MYO9B: variants seen among roughly 807,000 people sequenced by gnomAD.
The protein encoded by MYO9B is myosin IXB.
In MYO9B, 71 loss-of-function variants were observed where a neutral mutation model predicts 229.5. The observed-to-expected ratio is 0.31, with a 90% CI of 0.26 to 0.38. The LOEUF (loss-of-function observed/expected upper bound fraction) is 0.38, where lower values mean the gene tolerates loss of function less well. Ranked by LOEUF, MYO9B falls within the 10% of genes least tolerant of loss-of-function variation. The probability of loss-of-function intolerance (pLI) is 1.00; values close to 1 mark genes in which losing one functional copy is unlikely to be tolerated. For synonymous variants in MYO9B, 1,185 were observed against 1,235.8 expected (o/e 0.96, Z 0.86); for missense variants, 2,255 against 2,920.5 (o/e 0.77, Z 5.25).
chr19:17,153,427 C>G (rs1013719436), intron 4 of MYO9B, among the ~76,000 whole-genome samples: 9 of 151,106 alleles, frequency 6.0e-5, no homozygotes, highest in African/African-American at 2.2e-4. Context: ...TGGCTCACAC[C>G]TGTAATCCCA....
chr19:17,105,403 G>A (rs985747488), intron 2 of MYO9B, among the ~76,000 whole-genome samples: 1 of 151,946 alleles, frequency 6.6e-6, no homozygotes, highest in Non-Finnish European at 1.5e-5. Context: ...TCTGAGGCAG[G>A]AGAATCGCTT....
chr19:17,102,397 T>G lies in MYO9B; in HGVS notation c.680T>G (p.Leu227Arg), dbSNP rs781036817. The G allele has an allele frequency of 4.9e-5, 79 of 1,613,736 alleles. No homozygotes were observed. Among genetic ancestry groups the G allele is most frequent in the Non-Finnish European group, 6.5e-5 (77 of 1,179,888 alleles). ...ALADVAYYTM[L>R]RKRVNQCIVI... ...GCCGACGTGGCCTACTACACCATGCTCAGGAAGCGCGTGAACCAGTGCATC... is the reference window on the plus strand; with the variant it reads ...GCCGACGTGGCCTACTACACCATGCGCAGGAAGCGCGTGAACCAGTGCATC... Residue 227 changes from leucine (L) to arginine (R), a missense_variant, in exon 2 of 40, where the codon CTC becomes CGC. This residue lies in a region of MYO9B where 386 missense variants were observed against 515.2 expected (regional missense o/e 0.75). Coordinates refer to ENST00000682292, the MANE Select transcript of MYO9B (RefSeq NM_004145.4).
intron 2 of MYO9B, among the ~76,000 whole-genome samples, chr19:17,139,840 G>A (rs944743262): frequency 2.6e-5 from 4 of 152,110 alleles, no homozygotes; most frequent in Non-Finnish European, 2.9e-5. Context: ...TTGGGAGTTC[G>A]AGACCAGCCT....
At chr19:17,095,375 A>C (rs1012582943) in intron 1 of MYO9B, 10 of 152,380 alleles carry the variant, frequency 6.6e-5, no homozygotes, top group African/African-American at 2.2e-4. Flanking sequence ...CCCCTCCCGG[A>C]GTCCCTGGCA....
intron 2 of MYO9B, among the ~76,000 whole-genome samples, chr19:17,140,817 C>T (rs112613803): frequency 0.083 from 12,114 of 146,038 alleles, 718 homozygotes; most frequent in South Asian, 0.13. Flanking sequence ...TAAAGTTTGT[C>T]GGGGGCCAGG....
chr19:17,173,476 G>A (rs944545572), intron 13 of MYO9B, among the ~76,000 whole-genome samples: 1 of 151,758 alleles, frequency 6.6e-6, no homozygotes, highest in Non-Finnish European at 1.5e-5. Flanking sequence ...GCTAATTTTT[G>A]TATTTTTAGT....
chr19:17,152,687 T>TC lies in MYO9B; in HGVS notation c.980dup (p.Gln328SerfsTer5). On this transcript the variant is annotated frameshift_variant, in exon 4 of 40. Coordinates refer to ENST00000682292, the MANE Select transcript of MYO9B (RefSeq NM_004145.4). LOFTEE classifies it high-confidence loss of function. Reference sequence around the variant, plus strand: ...TCTGCTTGAAAAGTCTCGCCTGGTGTCTCAGGAGAAGGATGAGAGGTAGGA... The same window carrying TC: ...TCTGCTTGAAAAGTCTCGCCTGGTGTCCTCAGGAGAAGGATGAGAGGTAGGA... 1 of 1,613,330 alleles carries TC rather than the reference T, an allele frequency of 6.2e-7. No individual in the cohort carries two copies. The highest frequency in any genetic ancestry group is 8.5e-7 in the Non-Finnish European group (1 of 1,179,556).
intron 2 of MYO9B, among the ~76,000 whole-genome samples, chr19:17,125,732 C>G (rs1242678476): frequency 6.6e-6 from 1 of 152,158 alleles, no homozygotes; most frequent in East Asian, 1.9e-4. Flanking sequence ...GCTCTCTGTA[C>G]ATCCCTGCCG....
At chr19:17,189,494 G>A (rs1434240945) in intron 19 of MYO9B, among the ~76,000 whole-genome samples, 5 of 151,596 alleles carry the variant, frequency 3.3e-5, no homozygotes, top group South Asian at 2.1e-4. Flanking sequence ...AAAGCCAGGC[G>A]TGCTGGCATG....
chr19:17,105,508 A>G (rs2057784761), intron 2 of MYO9B, among the ~76,000 whole-genome samples: 1 of 151,996 alleles, frequency 6.6e-6, no homozygotes. Context: ...AAAAAAGGGG[A>G]GAGGAGATTC....
At chr19:17,179,960 C>A (rs551251051) in intron 14 of MYO9B, among the ~76,000 whole-genome samples, 1 of 151,468 alleles carries the variant, frequency 6.6e-6, no homozygotes, top group East Asian at 2.0e-4. Flanking sequence ...CCCAGCCAGG[C>A]GCGGTGGCTC....
chr19:17,188,034 T>A lies in MYO9B; in HGVS notation c.2677T>A (p.Tyr893Asn), dbSNP rs1237429868. 4 of 1,594,088 alleles carry A rather than the reference T, an allele frequency of 2.5e-6. No individual in the cohort carries two copies. The highest frequency in any genetic ancestry group is 2.7e-5 in the African/African-American group (2 of 74,622). Residue 893 changes from tyrosine to asparagine, a missense_variant, in exon 19 of 40, where the codon TAC (tyrosine) becomes AAC (asparagine). Tyr to Asn is a moderately radical substitution (Grantham distance 143). Around this residue, in one of 7 missense-constraint regions of MYO9B, gnomAD observed 68 missense variants for 133.5 expected, o/e 0.51. Transcript: ENST00000682292. ...CCGGAGGTCAGGGTACAGCGCCAAGTACACGTTCCAGGTAGGCCACAAGCA... is the reference window on the plus strand; with the variant it reads ...CCGGAGGTCAGGGTACAGCGCCAAGAACACGTTCCAGGTAGGCCACAAGCA... ...RIRRSGYSAK[Y>N]TFQDFTEQFQ...
rs1363736304 is a variant in MYO9B at position 17,193,884 on chromosome 19, CAAAA to C, written c.3129-671_3129-668del. Among the ~76,000 whole-genome samples the C allele has an allele frequency of 8.7e-4, 132 of 152,148 alleles. 1 individual carries two copies. Among genetic ancestry groups the C allele is most frequent in the African/African-American group, 3.2e-3 (131 of 41,522 alleles). On this transcript the variant is annotated intron_variant, in intron 21 of 39. Coordinates refer to ENST00000682292, the MANE Select transcript of MYO9B (RefSeq NM_004145.4). The surrounding 1 kb of genome is among the most constrained non-coding windows in gnomAD (Gnocchi z 4.3). ...CAGAGCCAGACACTGTCTCTAAAAG[CAAAA>C]CAGGCTGGGCATAGTGGCTCACACC... is the stretch of plus-strand genomic sequence containing the variant.
Position 17,154,342 on chromosome 19 carries a change from G to A in MYO9B, c.1126G>A (p.Asp376Asn). ...TAACTTGAAGATTGAAGATGGGGAG[G>A]ACCTGAAGCATGACTTTGAGAGGCT... ...QHNLKIEDGE[D>N]LKHDFERLKQ... Residue 376 changes from aspartate (D) to asparagine (N), a missense_variant, in exon 6 of 40, where the codon GAC becomes AAC. This residue lies in a region of MYO9B where 386 missense variants were observed against 515.2 expected (regional missense o/e 0.75). Transcript: ENST00000682292. The A allele has an allele frequency of 3.7e-6, 6 of 1,613,076 alleles. 1 individual carries two copies. The highest frequency in any genetic ancestry group is 5.1e-6 in the Non-Finnish European group (6 of 1,179,224).
At position 17,115,532 on chromosome 19, in the gene MYO9B, G is replaced by A. The variant is rs573516593; in HGVS notation, c.840+12975G>A. On this transcript the variant is annotated intron_variant, in intron 2 of 39. Coordinates refer to ENST00000682292, the MANE Select transcript of MYO9B (RefSeq NM_004145.4). ...CGCCCAGGCTGGAGTTCAGTGGTGC[G>A]ATCTCAGTTCACTGCAACCTCCGCC... is the stretch of plus-strand genomic sequence containing the variant. Among the ~76,000 whole-genome samples, 5 of 148,388 alleles carry A rather than the reference G, an allele frequency of 3.4e-5. No homozygotes were observed. The East Asian group carries it at 5.9e-4, about 18-fold the overall frequency.
intron 2 of MYO9B, among the ~76,000 whole-genome samples, chr19:17,126,786 C>T (rs183763633): frequency 1.3e-5 from 2 of 151,270 alleles, no homozygotes; most frequent in Non-Finnish European, 2.9e-5. Context: ...GCCTCAGCCT[C>T]CCAAGTAGCT....
rs1371710756 is a variant in MYO9B at position 17,119,817 on chromosome 19, A to AT, written c.840+17266dup. Among the ~76,000 whole-genome samples the AT allele has an allele frequency of 9.2e-5, 14 of 152,096 alleles. No individual in the cohort carries two copies. The East Asian group carries it at 2.5e-3, about 27-fold the overall frequency. ...CAGGCACCACCACCATGGCCGGCTA[A>AT]TTTTTTAATTTTAGTAGAGATGGGG... is the stretch of plus-strand genomic sequence containing the variant. On this transcript the variant is annotated intron_variant, in intron 2 of 39. Transcript: ENST00000682292.
chr19:17,211,087 G>A (rs1028601855), intron 38 of MYO9B, among the ~76,000 whole-genome samples: 8 of 147,758 alleles, frequency 5.4e-5, no homozygotes, highest in African/African-American at 1.8e-4. Context: ...GGGTTCAAGC[G>A]ATTCTCTGCC....
At chr19:17,197,753 A>T in intron 22 of MYO9B, 39 bp from the exon 23 acceptor site, 1 of 1,605,420 alleles carries the variant, frequency 6.2e-7, no homozygotes, top group Non-Finnish European at 8.5e-7. Context: ...CCACTGACTC[A>T]CTCTAGTCAG....
Sources: allele counts gnomAD v4.1 joint callset (sites outside exome capture counted in the v4.1 genomes callset), GRCh38; gene constraint gnomAD v4.1.1; regional missense constraint gnomAD v4.1.1; non-coding constraint Gnocchi (gnomAD v3.1); transcripts MANE v1.5; gene names NCBI Gene and HGNC (gene_info 2026-07-23, HGNC 2026-07-21).